The following MAOB variants were observed in gnomAD, a reference collection of about 807,000 sequenced individuals.
The protein encoded by MAOB is amine oxidase [flavin-containing] B.
A neutral mutation model predicts 41.9 loss-of-function variants in MAOB; 15 were observed. The observed-to-expected ratio is 0.36, with a 90% CI of 0.24 to 0.55. The LOEUF (loss-of-function observed/expected upper bound fraction) is 0.55, where lower values mean the gene tolerates loss of function less well. MAOB is among the 20% of genes least tolerant of loss of function. The pLI is 0.86. For missense variants in MAOB, 345 were observed against 398.7 expected (o/e 0.87, Z 1.15); for synonymous variants, 167 against 144.2 (o/e 1.16, Z -1.13).
At chrX:43,788,094 G>A (rs2034422477) in intron 8 of MAOB, among the ~76,000 whole-genome samples, 1 of 111,197 alleles carries the variant, frequency 9.0e-6, no homozygotes, top group Admixed American at 9.6e-5. Flanking sequence ...CTTCTCATGA[G>A]GGCCTCAGGA....
chrX:43,804,615 T>C (rs2034639469), intron 3 of MAOB, among the ~76,000 whole-genome samples: 1 of 111,652 alleles, frequency 9.0e-6, no homozygotes, highest in African/African-American at 3.3e-5. Context: ...TTTAAGGAAT[T>C]AGCTCATGTT....
At position 43,856,231 on chromosome X, in the gene MAOB, A is replaced by C. The variant is rs917454284; in HGVS notation, c.47-12467T>G. Among the ~76,000 whole-genome samples the C allele has an allele frequency of 9.1e-5, 10 of 110,420 alleles. No homozygotes were observed. In the South Asian group the frequency reaches 3.9e-3, roughly 44 times the overall value. On this transcript the variant is annotated intron_variant, in intron 1 of 14. Coordinates refer to ENST00000378069, the MANE Select transcript of MAOB (RefSeq NM_000898.5). The stretch of plus-strand genomic sequence containing the variant: ...CCTGAGTAGCTGGGATTACAGGTAC[A>C]CGCCACCATGACCGGCTAATTTTTG...
At position 43,778,720 on chromosome X, in the gene MAOB, G is replaced by A; in HGVS notation, c.1099C>T (p.Leu367Phe). Residue 367 changes from leucine to phenylalanine, a missense_variant, in exon 11 of 15, where the codon CTC becomes TTC. Coordinates refer to ENST00000378069, the MANE Select transcript of MAOB (RefSeq NM_000898.5). ...KEERLKKLCE[L>F]YAKVLGSLEA... Reference sequence around the variant, plus strand: ...AGGGAACCCAGAACCTTGGCATAGAGTTCACAAAGTTTCTTCAACCTGTGA... The same window carrying A: ...AGGGAACCCAGAACCTTGGCATAGAATTCACAAAGTTTCTTCAACCTGTGA... 1 of 1,204,035 alleles carries A rather than the reference G, an allele frequency of 8.3e-7. No homozygotes were observed.
chrX:43,774,197 T>C (rs1488346341), intron 12 of MAOB, among the ~76,000 whole-genome samples: 1 of 111,976 alleles, frequency 8.9e-6, no homozygotes, highest in Non-Finnish European at 1.9e-5. Flanking sequence ...TCTCATCCTG[T>C]TTAGATTAAG....
chrX:43,819,444 T>C (rs2034856731), intron 3 of MAOB, among the ~76,000 whole-genome samples: 1 of 111,250 alleles, frequency 9.0e-6, no homozygotes, highest in Non-Finnish European at 1.9e-5. Context: ...CCTTGTCAGG[T>C]CAGCTGAGGC....
intron 1 of MAOB, among the ~76,000 whole-genome samples, chrX:43,856,960 T>C (rs1471203667): frequency 9.6e-6 from 1 of 104,090 alleles, no homozygotes; most frequent in Non-Finnish European, 1.9e-5. Flanking sequence ...ATTTAATTTT[T>C]TTTTTTTTCA....
chrX:43,792,582 G>A (rs1338231368), intron 8 of MAOB, among the ~76,000 whole-genome samples: 2 of 111,885 alleles, frequency 1.8e-5, no homozygotes, highest in Middle Eastern at 4.2e-3. Context: ...AAAAGCATAC[G>A]AAAAAGAGCT....
At chrX:43,783,180 T>C (rs2034358031) in intron 8 of MAOB, among the ~76,000 whole-genome samples, 1 of 112,079 alleles carries the variant, frequency 8.9e-6, no homozygotes, top group Non-Finnish European at 1.9e-5. Flanking sequence ...GATATTCAAA[T>C]AGGAAGAGAG....
At chrX:43,798,840 T>C (rs914889868) in intron 5 of MAOB, among the ~76,000 whole-genome samples, 1 of 111,919 alleles carries the variant, frequency 8.9e-6, no homozygotes, top group Non-Finnish European at 1.9e-5. Context: ...TCTTGTTAAA[T>C]TGTTGCAACA....
At chrX:43,770,143 A>T (rs986724945) in intron 12 of MAOB, among the ~76,000 whole-genome samples, 3 of 110,920 alleles carry the variant, frequency 2.7e-5, no homozygotes, top group Non-Finnish European at 5.7e-5. Context: ...TGCCTCTGCT[A>T]AAAAAAACTA....
At chrX:43,881,193 C>T (rs932962776) in intron 1 of MAOB, among the ~76,000 whole-genome samples, 1 of 113,184 alleles carries the variant, frequency 8.8e-6, no homozygotes, top group Non-Finnish European at 1.9e-5. Context: ...CACCAAACAT[C>T]CAATGCCTTG....
intron 9 of MAOB, among the ~76,000 whole-genome samples, chrX:43,781,218 A>AT (rs1491192875): frequency 8.9e-6 from 1 of 112,077 alleles, no homozygotes; most frequent in East Asian, 2.8e-4. Flanking sequence ...GAAAACTAAC[A>AT]TAAAAATTTT....
chrX:43,780,683 GGTCAATA>G (rs1216247286), intron 9 of MAOB, among the ~76,000 whole-genome samples: 5 of 111,551 alleles, frequency 4.5e-5, no homozygotes, highest in Admixed American at 9.5e-5. Flanking sequence ...CCCAGCTGGT[GGTCAATA>G]AGAATAACCC....
At chrX:43,797,806 G>A (rs1310094039) in intron 5 of MAOB, among the ~76,000 whole-genome samples, 1 of 111,668 alleles carries the variant, frequency 9.0e-6, no homozygotes, top group Non-Finnish European at 1.9e-5. Context: ...CACACTCAAA[G>A]CCAGAGGCTT....
At chrX:43,866,195 C>G (rs977329555) in intron 1 of MAOB, among the ~76,000 whole-genome samples, 1 of 110,992 alleles carries the variant, frequency 9.0e-6, no homozygotes, top group Non-Finnish European at 1.9e-5. Context: ...AAAAATTGCC[C>G]TTCCAGGAGA....
chrX:43,776,312 T>C (rs1453718876), intron 11 of MAOB, among the ~76,000 whole-genome samples: 1 of 112,809 alleles, frequency 8.9e-6, no homozygotes, highest in African/African-American at 3.2e-5. Context: ...CCAACTTATT[T>C]TTATCATCAG....
In MAOB at chrX:43,857,168, A is replaced by AAG. The variant is rs769153460; in HGVS notation, c.47-13406_47-13405dup. ...AGAGAGAGAGAGAGAGAGAGAGAAG[A>AAG]AGAGAGAGAGAGAGAGAGAGAGAGA... On this transcript the variant is annotated intron_variant, in intron 1 of 14. Transcript: ENST00000378069. Among the ~76,000 whole-genome samples the AAG allele has an allele frequency of 4.8e-3, 119 of 24,857 alleles. 5 individuals are homozygous for AAG. The highest frequency in any genetic ancestry group is 9.8e-3 in the African/African-American group (51 of 5,208). The allele number at this position is 24,857 out of a possible 115,157, so 21.6% of individuals were successfully genotyped here.
intron 3 of MAOB, among the ~76,000 whole-genome samples, chrX:43,815,978 C>T (rs2034809453): frequency 9.0e-6 from 1 of 111,685 alleles, no homozygotes; most frequent in Non-Finnish European, 1.9e-5. Context: ...CCATCAGTAG[C>T]AATATGGACA....
chrX:43,793,098 A>G (rs954273935), intron 8 of MAOB, among the ~76,000 whole-genome samples: 3 of 112,185 alleles, frequency 2.7e-5, no homozygotes, highest in Non-Finnish European at 3.8e-5. Context: ...CAAATACCAC[A>G]TGTTCCCACT....
Sources: allele counts gnomAD v4.1 joint callset (sites outside exome capture counted in the v4.1 genomes callset), GRCh38; gene constraint gnomAD v4.1.1; transcripts MANE v1.5; gene names NCBI Gene and HGNC (gene_info 2026-07-23, HGNC 2026-07-21).